LPIN1: variants seen among roughly 807,000 people sequenced by gnomAD.
LPIN1 encodes the protein lipin 1, also known as phosphatidate phosphatase LPIN1.
A neutral mutation model predicts 107.5 loss-of-function variants in LPIN1; 71 were observed. The observed-to-expected ratio is 0.66, with a 90% CI of 0.55 to 0.80. LPIN1 has a LOEUF of 0.80. Among genes scored for constraint, LPIN1 ranks in the 30% least tolerant of loss-of-function variants. The probability of loss-of-function intolerance (pLI) is 0.00; values close to 1 mark genes in which losing one functional copy is unlikely to be tolerated. For missense variants in LPIN1, 1,043 were observed against 1,160.6 expected (o/e 0.90, Z 1.47); for synonymous variants, 445 against 452.6 (o/e 0.98, Z 0.21).
At position 11,788,571 on chromosome 2, in the gene LPIN1, C is replaced by G. The variant is rs1042567776; in HGVS notation, c.1713+115C>G. On this transcript the variant is annotated intron_variant, in intron 12 of 20. Transcript: ENST00000674199. ...ACTACAGAGTTAATTCCACTGTGCTCTTTTGAAGTTCATGAGCATACAGGC... is the reference window on the plus strand; with the variant it reads ...ACTACAGAGTTAATTCCACTGTGCTGTTTTGAAGTTCATGAGCATACAGGC... The G allele has an allele frequency of 3.6e-6, 3 of 832,234 alleles. No homozygotes were observed. In the African/African-American group the frequency reaches 5.1e-5, roughly 14 times the overall value. The allele number at this position is 832,234 out of a possible 1,614,324, so 51.6% of individuals were successfully genotyped here.
In LPIN1 at chr2:11,784,923, A is replaced by C. The variant is rs759793835; in HGVS notation, c.1396A>C (p.Asn466His). 2.5e-6 allele frequency: 4 copies of C among 1,613,980 alleles called. No homozygotes were observed. The South Asian group carries it at 4.4e-5, about 18-fold the overall frequency. Reference protein sequence around the residue: ...PSGLAKHASDNGARSANQSPQ... With the variant: ...PSGLAKHASDHGARSANQSPQ... ...CGGACTCGCAAAACATGCAAGCGAC[A>C]ACGGAGCCCGGTCAGCCAACCAGTC... The change falls in exon 10 of 21, where the codon AAC (asparagine) becomes CAC (histidine). Residue 466 changes from asparagine to histidine, a missense_variant. Transcript: ENST00000674199.
In LPIN1 at chr2:11,756,077, A is replaced by C. The variant is rs549878127; in HGVS notation, c.-10+9406A>C. Among the ~76,000 whole-genome samples, 51 of 152,310 alleles carry C rather than the reference A, an allele frequency of 3.3e-4. 1 individual carries two copies. The highest frequency in any genetic ancestry group is 5.7e-4 in the Non-Finnish European group (39 of 68,032). ...AAAAGTACAAGTGAGAAAGATGAAC[A>C]AAAACGGGGATTGTAAGAGTACATT... is the stretch of plus-strand genomic sequence containing the variant. On this transcript the variant is annotated intron_variant, in intron 1 of 20. Coordinates refer to ENST00000674199, the MANE Select transcript of LPIN1 (RefSeq NM_001349206.2).
chr2:11,724,056 A>G (rs1194163948), upstream of LPIN1: 2 of 152,132 alleles, frequency 1.3e-5, no homozygotes, highest in Non-Finnish European at 2.9e-5. Flanking sequence ...AATCTCTTCT[A>G]GTTAGCTTGC....
chr2:11,756,849 G>A (rs7595221), intron 1 of LPIN1, among the ~76,000 whole-genome samples: 89,627 of 152,080 alleles, frequency 0.59, 27,897 homozygotes, highest in African/African-American at 0.77. Flanking sequence ...TAACCCAGAG[G>A]TATCTGGAAA....
In LPIN1 at chr2:11,820,545, G is replaced by A. The variant is rs769404172; in HGVS notation, c.2621+31G>A. 6.1e-6 allele frequency: 9 copies of A among 1,476,282 alleles called. No individual in the cohort carries two copies. In the African/African-American group the frequency reaches 8.3e-5, roughly 14 times the overall value. 91.4% of individuals were successfully genotyped at this position (1,476,282 alleles called of 1,614,324 possible). On this transcript the variant is annotated intron_variant, in intron 20 of 20. Coordinates refer to ENST00000674199, the MANE Select transcript of LPIN1 (RefSeq NM_001349206.2). ...TATTGTACACATTTTATGTGATTATGATATCAGTACTATTATCTTAAAACG... is the reference window on the plus strand; with the variant it reads ...TATTGTACACATTTTATGTGATTATAATATCAGTACTATTATCTTAAAACG...
At position 11,774,380 on chromosome 2, in the gene LPIN1, A is replaced by G. The variant is rs1469794565; in HGVS notation, c.722+635A>G. 6.6e-6 allele frequency among the ~76,000 whole-genome samples: 1 copy of G among 152,150 alleles called. No individual in the cohort carries two copies. Among genetic ancestry groups the G allele is most frequent in the Non-Finnish European group, 1.5e-5 (1 of 68,022 alleles). On this transcript the variant is annotated intron_variant, in intron 5 of 20. Transcript: ENST00000674199. This position sits in a 1 kb window ranked among gnomAD's most constrained non-coding sequence, Gnocchi z 4.4. ...TCCTGTGTTCTCAACACAGGAAATA[A>G]TATAACCCCCATTGGGATGAAAATT... is the stretch of plus-strand genomic sequence containing the variant.
chr2:11,747,309 G>A (rs6731096), intron 1 of LPIN1, among the ~76,000 whole-genome samples: 94,493 of 152,144 alleles, frequency 0.62, 31,799 homozygotes, highest in African/African-American at 0.88. Context: ...AGTGAGCTCC[G>A]TCAGCTGCTC....
In LPIN1 at chr2:11,765,813, G is replaced by C; in HGVS notation, c.192+80G>C. The C allele has an allele frequency of 7.8e-7, 1 of 1,284,380 alleles. No individual in the cohort carries two copies. Among genetic ancestry groups the C allele is most frequent in the Non-Finnish European group, 1.1e-6 (1 of 921,462 alleles). The allele number at this position is 1,284,380 out of a possible 1,614,324, so 79.6% of individuals were successfully genotyped here. On this transcript the variant is annotated intron_variant, in intron 2 of 20. Coordinates refer to ENST00000674199, the MANE Select transcript of LPIN1 (RefSeq NM_001349206.2). This position sits in a 1 kb window ranked among gnomAD's most constrained non-coding sequence, Gnocchi z 4.4. ...GTACTCTGGTGATGCCACCTGTCTT[G>C]AACTCTCAGACCCAGAGTTTTAGGT...
At chr2:11,708,548 T>G (rs1473030179) in intron 1 of LPIN1, among the ~76,000 whole-genome samples, 3 of 152,100 alleles carry the variant, frequency 2.0e-5, no homozygotes, top group African/African-American at 7.2e-5. Flanking sequence ...ACCTGGGCCT[T>G]AACTCCTGGG....
At chr2:11,814,427 C>G (rs889063029) in intron 17 of LPIN1, among the ~76,000 whole-genome samples, 1 of 151,592 alleles carries the variant, frequency 6.6e-6, no homozygotes, top group Non-Finnish European at 1.5e-5. Context: ...TTGTAGTCAG[C>G]TTTTTGGAAG....
chr2:11,737,270 C>T (rs926963430), intron 1 of LPIN1, among the ~76,000 whole-genome samples: 7 of 152,140 alleles, frequency 4.6e-5, no homozygotes, highest in Non-Finnish European at 8.8e-5. Context: ...AGACCTAAAA[C>T]CATAAAAACC....
chr2:11,813,680 C>T (rs371153493), intron 17 of LPIN1, among the ~76,000 whole-genome samples: 91 of 151,918 alleles, frequency 6.0e-4, no homozygotes, highest in Middle Eastern at 3.4e-3. Flanking sequence ...TTTGGGAGGC[C>T]GAGACGGGTG....
Position 11,776,174 on chromosome 2 carries a change from CTG to C in LPIN1, c.813_814del (p.Phe272ProfsTer15). 1 of 1,541,652 alleles carries C rather than the reference CTG, an allele frequency of 6.5e-7. No individual in the cohort carries two copies. The highest frequency in any genetic ancestry group is 8.8e-7 in the Non-Finnish European group (1 of 1,140,696). On this transcript the variant is annotated frameshift_variant, in exon 6 of 21. Transcript: ENST00000674199. LOFTEE classifies it high-confidence loss of function. ...TAGTTCTTGCCCTCCACAGTCTTCCCTGTTCCATCCTTCGGAAAGGTAGAGGA... is the reference window on the plus strand; with the variant it reads ...TAGTTCTTGCCCTCCACAGTCTTCCCTTCCATCCTTCGGAAAGGTAGAGGA... ...LSSSCPPQSSLFHPSESPSGS... is the reference protein window; with the variant it reads ...LSSSCPPQSSXFHPSESPSGS...
At chr2:11,759,137 C>T (rs961282788) in intron 1 of LPIN1, among the ~76,000 whole-genome samples, 1 of 39,612 alleles carries the variant, frequency 2.5e-5, no homozygotes, top group Non-Finnish European at 5.4e-5. Context: ...TCTTTCTTTT[C>T]TTTCTTTCTT....
intron 1 of LPIN1, among the ~76,000 whole-genome samples, chr2:11,694,138 G>A (rs1662452687): frequency 6.6e-6 from 1 of 151,560 alleles, no homozygotes. Flanking sequence ...CCGACCAAGA[G>A]CCATATATTT....
At position 11,679,970 on chromosome 2, in the gene LPIN1, G is replaced by T. The variant is rs571548129; in HGVS notation, c.81+2242G>T. Among the ~76,000 whole-genome samples the T allele has an allele frequency of 1.6e-4, 25 of 152,356 alleles. No homozygotes were observed. The South Asian group carries it at 5.0e-3, about 30-fold the overall frequency. On this transcript the variant is annotated intron_variant, in intron 1 of 21. Transcript: ENST00000449576. ...GCTGCAGAGCCGTGAAACTGGGAGC[G>T]TCACTGGGAGTTGCTGCTGGGGACT...
intron 6 of LPIN1, 22 bp downstream of exon 6, chr2:11,776,215 T>C (rs1443957578): frequency 4.9e-6 from 7 of 1,429,698 alleles, no homozygotes; most frequent in Middle Eastern, 1.9e-4. Flanking sequence ...ATTTTCCCCA[T>C]TGGGATATAT....
rs533069325 is a variant in LPIN1, at chr2:11,771,425, G to A, written c.342G>A (p.Ser114=). 1.2e-6 allele frequency: 2 copies of A among 1,614,220 alleles called. No individual in the cohort carries two copies. The highest frequency in any genetic ancestry group is 1.1e-5 in the South Asian group (1 of 91,080). ...CCCCCATCCTGTCAGAAGGAGCTTC[G>A]AGAATGGAATGCCAGCTGAAAAGGG... ...ATSPILSEGA[S]RMECQLKRGS... The change falls in exon 4 of 21, where the codon TCG becomes TCA. Residue 114 remains serine (S), a synonymous_variant. Transcript: ENST00000674199. The surrounding 1 kb of genome is among the most constrained non-coding windows in gnomAD (Gnocchi z 4.8).
chr2:11,745,560 A>G (rs1230390348), upstream of LPIN1, among the ~76,000 whole-genome samples: 1 of 152,118 alleles, frequency 6.6e-6, no homozygotes, highest in Non-Finnish European at 1.5e-5. Context: ...AGTTTGAAAA[A>G]TTAGCTGGGC....
Sources: gnomAD v4.1 joint callset for allele counts (sites outside exome capture counted in the v4.1 genomes callset) on GRCh38, gnomAD v4.1.1 for gene constraint, Gnocchi (gnomAD v3.1) non-coding constraint, MANE v1.5 for transcripts, NCBI Gene and HGNC (gene_info 2026-07-23, HGNC 2026-07-21) for gene names.